Variants in COL25A1 observed in about 807,000 individuals in gnomAD.
COL25A1 encodes collagen type XXV alpha 1 chain.
In COL25A1, 103 loss-of-function variants were observed where a neutral mutation model predicts 128.4. The observed-to-expected ratio is 0.80, with a 90% CI of 0.68 to 0.94. COL25A1 has a LOEUF of 0.94. Among genes scored for constraint, COL25A1 ranks in the 40% least tolerant of loss-of-function variants. The pLI, the probability that COL25A1 is intolerant of heterozygous loss-of-function variation, is 0.00. For synonymous variants in COL25A1, 279 were observed against 277.2 expected, an observed-to-expected ratio of 1.01 and a Z score of -0.06; for missense variants, 745 against 840.0, an observed-to-expected ratio of 0.89 and a Z score of 1.40.
intron 3 of COL25A1, among the ~76,000 whole-genome samples, chr4:109,133,943 C>A (rs1769459478): frequency 6.6e-6 from 1 of 152,084 alleles, no homozygotes; most frequent in African/African-American, 2.4e-5. Context: ...TCACAAAATT[C>A]TATGTAAACG....
intron 16 of COL25A1, among the ~76,000 whole-genome samples, chr4:108,894,595 T>A (rs918944836): frequency 6.6e-6 from 1 of 152,206 alleles, no homozygotes; most frequent in African/African-American, 2.4e-5. Context: ...TGTTTATGTA[T>A]TGTCTATGGT....
At chr4:108,931,657 C>T (rs528171224) in intron 11 of COL25A1, among the ~76,000 whole-genome samples, 39 of 152,284 alleles carry the variant, frequency 2.6e-4, no homozygotes, top group African/African-American at 8.9e-4. Context: ...AGTCTGTGCA[C>T]GTAGGAATCA....
chr4:109,071,204 C>G (rs929368836), intron 3 of COL25A1, among the ~76,000 whole-genome samples: 13 of 152,058 alleles, frequency 8.5e-5, no homozygotes, highest in African/African-American at 3.1e-4. Context: ...GGAAAGGATT[C>G]CCTATTTAAT....
chr4:109,257,788 G>A (rs1294463666), intron 3 of COL25A1, among the ~76,000 whole-genome samples: 2 of 152,162 alleles, frequency 1.3e-5, no homozygotes, highest in Non-Finnish European at 2.9e-5. Flanking sequence ...GCATGTAAAG[G>A]AAAGAGAAAT....
intron 3 of COL25A1, among the ~76,000 whole-genome samples, chr4:109,250,204 A>G (rs1468239311): frequency 2.6e-5 from 4 of 152,190 alleles, no homozygotes; most frequent in Non-Finnish European, 4.4e-5. Context: ...TTGCTATAAA[A>G]TAAGATAACA....
At chr4:108,899,129 G>C in intron 15 of COL25A1, 25 bp downstream of exon 15, 2 of 1,605,962 alleles carry the variant, frequency 1.2e-6, no homozygotes, top group Non-Finnish European at 1.7e-6. Flanking sequence ...TAGGGAGAGA[G>C]AAATACAGGC....
intron 3 of COL25A1, among the ~76,000 whole-genome samples, chr4:109,159,826 C>T (rs949834292): frequency 2.6e-5 from 4 of 152,024 alleles, no homozygotes; most frequent in Admixed American, 6.6e-5. Context: ...AAGAAATATT[C>T]GTGAGCTAGC....
At chr4:108,815,693 C>T (rs918562165) in intron 37 of COL25A1, among the ~76,000 whole-genome samples, 1 of 151,952 alleles carries the variant, frequency 6.6e-6, no homozygotes, top group Non-Finnish European at 1.5e-5. Context: ...CATATTACTA[C>T]CAGTAATATG....
intron 3 of COL25A1, among the ~76,000 whole-genome samples, chr4:109,107,920 C>T (rs1766600443): frequency 6.6e-6 from 1 of 152,186 alleles, no homozygotes; most frequent in African/African-American, 2.4e-5. Flanking sequence ...TTAAAAATTC[C>T]ATTTAACTTC....
intron 3 of COL25A1, among the ~76,000 whole-genome samples, chr4:109,256,739 A>G (rs139371748): frequency 6.6e-6 from 1 of 152,274 alleles, no homozygotes; most frequent in East Asian, 1.9e-4. Context: ...GCGTCTTGGT[A>G]ACTTCTTTTA....
At chr4:108,981,943 T>C (rs774791025) in intron 6 of COL25A1, among the ~76,000 whole-genome samples, 3 of 152,162 alleles carry the variant, frequency 2.0e-5, no homozygotes, top group Non-Finnish European at 2.9e-5. Context: ...CGGTGGCTCA[T>C]GCAGCACTTT....
At position 108,844,517 on chromosome 4, in the gene COL25A1, ACCATGGGGCCAGGTGGG is replaced by A. The variant is rs1734847656; in HGVS notation, c.1614_1629+1del. The A allele has an allele frequency of 2.5e-6, 4 of 1,614,144 alleles. No individual in the cohort carries two copies. The highest frequency in any genetic ancestry group is 2.5e-6 in the Non-Finnish European group (3 of 1,179,976). On this transcript the variant is annotated splice_donor_variant and coding_sequence_variant, in exon 30 of 38. Transcript: ENST00000399132. LOFTEE classifies it high-confidence loss of function. ...TACATTTCAGAAAGAAGGGAAACTT[ACCATGGGGCCAGGTGGG>A]CCATGGGGACCTGGTGGGCCTGGTG...
At chr4:109,108,371 T>C (rs2126033840) in intron 3 of COL25A1, among the ~76,000 whole-genome samples, 1 of 152,234 alleles carries the variant, frequency 6.6e-6, no homozygotes, top group East Asian at 1.9e-4. Flanking sequence ...CATCATTTTT[T>C]ATGGCTGCAT....
chr4:109,063,714 C>G (rs746334107), intron 3 of COL25A1, among the ~76,000 whole-genome samples: 2 of 152,036 alleles, frequency 1.3e-5, no homozygotes, highest in Non-Finnish European at 2.9e-5. Context: ...GCCACATGCA[C>G]TGCAGCTTAC....
At chr4:109,219,374 C>T (rs1287015974) in intron 3 of COL25A1, among the ~76,000 whole-genome samples, 3 of 152,072 alleles carry the variant, frequency 2.0e-5, no homozygotes, top group African/African-American at 4.8e-5. Context: ...TTTCTACCAA[C>T]AGTCACACAG....
At chr4:108,985,027 C>G (rs907961264) in intron 6 of COL25A1, among the ~76,000 whole-genome samples, 1 of 152,234 alleles carries the variant, frequency 6.6e-6, no homozygotes. Context: ...AAAAATGACT[C>G]TCAGATGAGG....
chr4:109,118,960 T>A (rs1560723012), intron 3 of COL25A1, among the ~76,000 whole-genome samples: 1 of 151,988 alleles, frequency 6.6e-6, no homozygotes, highest in Admixed American at 6.6e-5. Context: ...ATACCCCACA[T>A]TTTTGGACTA....
chr4:108,844,836 T>C (rs1180088060), intron 29 of COL25A1, among the ~76,000 whole-genome samples: 1 of 152,158 alleles, frequency 6.6e-6, no homozygotes, highest in African/African-American at 2.4e-5. Context: ...AGAAATGCTA[T>C]AATGTCACTA....
intron 11 of COL25A1, among the ~76,000 whole-genome samples, chr4:108,926,219 C>T (rs1400236453): frequency 6.6e-6 from 1 of 152,138 alleles, no homozygotes; most frequent in Admixed American, 6.6e-5. Context: ...TGTTTTAAGG[C>T]AAGTTCTGGT....
Sources: allele counts gnomAD v4.1 joint callset (sites outside exome capture counted in the v4.1 genomes callset), GRCh38; gene constraint gnomAD v4.1.1; transcripts MANE v1.5; gene names NCBI Gene and HGNC (gene_info 2026-07-23, HGNC 2026-07-21).